Variants in TRMT10B observed in about 807,000 individuals in gnomAD.
TRMT10B encodes tRNA methyltransferase 10B, also known as tRNA methyltransferase 10 homolog B.
A neutral mutation model predicts 43.8 loss-of-function variants in TRMT10B; 33 were observed. The observed-to-expected ratio is 0.75, with a 90% CI of 0.57 to 1.01. TRMT10B has a LOEUF of 1.01. Ranked by LOEUF, TRMT10B falls within the 50% of genes least tolerant of loss-of-function variation. The pLI is 0.00. For missense variants in TRMT10B, 362 were observed against 369.8 expected, an observed-to-expected ratio of 0.98 and a Z score of 0.17; for synonymous variants, 137 against 130.6, an observed-to-expected ratio of 1.05 and a Z score of -0.34.
intron 1 of TRMT10B, among the ~76,000 whole-genome samples, chr9:37,756,810 G>A (rs747517476): frequency 1.9e-4 from 26 of 133,736 alleles, no homozygotes; most frequent in Non-Finnish European, 3.6e-4. Context: ...GTGTATATAT[G>A]TGTGCATATG....
chr9:37,774,724 GTTCT>G (rs1827957367), intron 7 of TRMT10B, among the ~76,000 whole-genome samples: 1 of 152,170 alleles, frequency 6.6e-6, no homozygotes, highest in Admixed American at 6.5e-5. Flanking sequence ...ATTTTTGGAA[GTTCT>G]ATCTAAAATT....
In TRMT10B at chr9:37,778,491, A is replaced by C. The variant is rs1461464167; in HGVS notation, c.*784A>C. 6.6e-6 allele frequency: 1 copy of C among 151,172 alleles called. No homozygotes were observed. Among genetic ancestry groups the C allele is most frequent in the Admixed American group, 6.6e-5 (1 of 15,146 alleles). 9.4% of individuals were successfully genotyped at this position (151,172 alleles called of 1,614,324 possible). A position where few individuals can be genotyped will look rare whatever the true frequency, so the allele number is the denominator to read the frequency against. ...GATCCAGCCTGGGCGACAGAGCCAG[A>C]CTCTTGTCTCGAGGGGAAAAAAAAA... is the stretch of plus-strand genomic sequence containing the variant. On this transcript the variant is annotated 3_prime_UTR_variant, in exon 9 of 9. Coordinates refer to ENST00000297994, the MANE Select transcript of TRMT10B (RefSeq NM_144964.4).
At chr9:37,764,294 G>A (rs564536098) in intron 4 of TRMT10B, among the ~76,000 whole-genome samples, 2 of 150,490 alleles carry the variant, frequency 1.3e-5, no homozygotes, top group Admixed American at 6.6e-5. Context: ...GATTACAGGC[G>A]TCTGCCACCA....
At chr9:37,766,494 G>C (rs1563995607) in intron 4 of TRMT10B, among the ~76,000 whole-genome samples, 1 of 152,172 alleles carries the variant, frequency 6.6e-6, no homozygotes, top group Admixed American at 6.5e-5. Flanking sequence ...TTGTAGTATA[G>C]TTTGAAGTCA....
intron 7 of TRMT10B, among the ~76,000 whole-genome samples, chr9:37,771,876 G>GT (rs74171525): frequency 0.5 from 74,622 of 148,938 alleles, 18,378 homozygotes; most frequent in South Asian, 0.55. Flanking sequence ...GACAGAAAAT[G>GT]TTTTTTTTTT....
chr9:37,777,561 C>T (rs774303138), intron 8 of TRMT10B, 40 bp from the exon 9 acceptor site: 3 of 1,487,624 alleles, frequency 2.0e-6, no homozygotes, highest in African/African-American at 1.4e-5. Context: ...TTCTTTTTTT[C>T]CCTCTGTGGT....
chr9:37,773,859 G>C (rs982206568), intron 7 of TRMT10B, among the ~76,000 whole-genome samples: 2 of 150,572 alleles, frequency 1.3e-5, no homozygotes, highest in East Asian at 3.9e-4. Flanking sequence ...TGGAGGGCTG[G>C]AGGACTACTT....
intron 7 of TRMT10B, among the ~76,000 whole-genome samples, chr9:37,774,455 T>C (rs546917673): frequency 6.6e-6 from 1 of 152,340 alleles, no homozygotes; most frequent in South Asian, 2.1e-4. Context: ...TTGGTTGTTA[T>C]TGGAGTTTGG....
intron 1 of TRMT10B, among the ~76,000 whole-genome samples, chr9:37,754,589 C>T (rs1212846086): frequency 1.3e-5 from 2 of 152,074 alleles, no homozygotes; most frequent in African/African-American, 2.4e-5. Flanking sequence ...CAGGTGAATT[C>T]TTCCAATTCT....
chr9:37,758,477 C>T (rs1825952678), intron 1 of TRMT10B, among the ~76,000 whole-genome samples: 1 of 152,160 alleles, frequency 6.6e-6, no homozygotes, highest in African/African-American at 2.4e-5. Context: ...AGACAAAGCA[C>T]TTAATTGTTT....
chr9:37,768,845 T>C (rs938633334), intron 5 of TRMT10B, among the ~76,000 whole-genome samples: 10 of 152,228 alleles, frequency 6.6e-5, no homozygotes, highest in Non-Finnish European at 1.3e-4. Context: ...ACAGTCTCTC[T>C]TGTAGTGCAG....
At chr9:37,771,356 G>A (rs1408810006) in intron 7 of TRMT10B, among the ~76,000 whole-genome samples, 2 of 152,132 alleles carry the variant, frequency 1.3e-5, no homozygotes, top group Non-Finnish European at 2.9e-5. Flanking sequence ...CCTCCCCTGA[G>A]GCAACCGATG....
At chr9:37,759,967 C>CA (rs1443935987) in intron 1 of TRMT10B, among the ~76,000 whole-genome samples, 2 of 151,926 alleles carry the variant, frequency 1.3e-5, no homozygotes, top group South Asian at 2.1e-4. Context: ...AAATCTTTGC[C>CA]AAAAAAATGT....
intron 4 of TRMT10B, chr9:37,767,542 T>C (rs1268639256): frequency 1.1e-5 from 1 of 88,094 alleles, no homozygotes; most frequent in Non-Finnish European, 2.3e-5. Context: ...AAAATCCATA[T>C]TGTTAAATTA....
At chr9:37,763,787 G>T in intron 4 of TRMT10B, 34 bp downstream of exon 4, 1 of 1,612,784 alleles carries the variant, frequency 6.2e-7, no homozygotes, top group Non-Finnish European at 8.5e-7. Flanking sequence ...ATTCCTGCTC[G>T]CCATGAGGGA....
At position 37,776,425 on chromosome 9, in the gene TRMT10B, C is replaced by T. The variant is rs780749911; in HGVS notation, c.844+20C>T. On this transcript the variant is annotated intron_variant, in intron 8 of 8. Transcript: ENST00000297994. Reference sequence around the variant, plus strand: ...ATCAAGGTACTTCTTACACGGCCCCCATCCAGGGTGTGTGAGTTCTGGTGC... The same window carrying T: ...ATCAAGGTACTTCTTACACGGCCCCTATCCAGGGTGTGTGAGTTCTGGTGC... 6.3e-7 allele frequency: 1 copy of T among 1,596,764 alleles called. No homozygotes were observed. The highest frequency in any genetic ancestry group is 1.7e-4 in the Middle Eastern group (1 of 5,982).
intron 6 of TRMT10B, among the ~76,000 whole-genome samples, chr9:37,770,315 A>G (rs1193740361): frequency 6.6e-6 from 1 of 152,142 alleles, no homozygotes; most frequent in African/African-American, 2.4e-5. Flanking sequence ...TCTTGGATCA[A>G]TGTTAGATCT....
chr9:37,767,991 G>A, intron 4 of TRMT10B, 85 bp from the exon 5 acceptor site: 1 of 1,518,656 alleles, frequency 6.6e-7, no homozygotes, highest in Non-Finnish European at 9.0e-7. Flanking sequence ...GTAGCGTTCA[G>A]TGAACTTATT....
intron 1 of TRMT10B, among the ~76,000 whole-genome samples, chr9:37,754,125 G>A (rs1425309275): frequency 6.6e-6 from 1 of 152,218 alleles, no homozygotes; most frequent in East Asian, 1.9e-4. Flanking sequence ...TGGGAGTTAG[G>A]CTAGCAAAGG....
Sources: allele counts gnomAD v4.1 joint callset (sites outside exome capture counted in the v4.1 genomes callset), GRCh38; gene constraint gnomAD v4.1.1; transcripts MANE v1.5; gene names NCBI Gene and HGNC (gene_info 2026-07-23, HGNC 2026-07-21).